ENTREP2: variants seen among roughly 807,000 people sequenced by gnomAD.
ENTREP2 encodes protein ENTREP2.
the ENTREP2 span, among the ~76,000 whole-genome samples, chr15:29,479,886 C>A: frequency 6.6e-6 from 1 of 152,012 alleles, no homozygotes; most frequent in Non-Finnish European, 1.5e-5. Context: ...TAGAGGCTGT[C>A]TAGGAATGGA....
the ENTREP2 span, among the ~76,000 whole-genome samples, chr15:29,449,094 T>C: frequency 1.3e-5 from 2 of 152,190 alleles, no homozygotes; most frequent in Non-Finnish European, 2.9e-5. Flanking sequence ...AAGAATGGTC[T>C]GAATGAGAAA....
chr15:29,253,836 T>C, the ENTREP2 span, among the ~76,000 whole-genome samples: 1 of 152,292 alleles, frequency 6.6e-6, no homozygotes, highest in East Asian at 1.9e-4. Context: ...AGTCTCACTC[T>C]GTCATTTTTT....
At chr15:29,618,213 G>C in the ENTREP2 span, among the ~76,000 whole-genome samples, 1 of 152,102 alleles carries the variant, frequency 6.6e-6, no homozygotes, top group East Asian at 1.9e-4. Flanking sequence ...CACAAGGTCA[G>C]GAGTTCGAGA....
chr15:29,616,005 G>A, the ENTREP2 span, among the ~76,000 whole-genome samples: 1 of 152,196 alleles, frequency 6.6e-6, no homozygotes. Context: ...CCCCACCCCG[G>A]TTCACAGAGC....
chr15:29,550,652 A>G, the ENTREP2 span, among the ~76,000 whole-genome samples: 1 of 152,224 alleles, frequency 6.6e-6, no homozygotes, highest in Non-Finnish European at 1.5e-5. Context: ...GCTAAAATCT[A>G]AAGAATTTCC....
the ENTREP2 span, among the ~76,000 whole-genome samples, chr15:29,148,860 C>A: frequency 6.6e-6 from 1 of 151,840 alleles, no homozygotes; most frequent in Non-Finnish European, 1.5e-5. Context: ...TATGTGGACT[C>A]CCTCCAGATT....
the ENTREP2 span, among the ~76,000 whole-genome samples, chr15:29,341,320 C>T: frequency 3.9e-5 from 6 of 152,330 alleles, no homozygotes; most frequent in South Asian, 4.1e-4. Flanking sequence ...TTTCAACATT[C>T]GATCAGTTAT....
the ENTREP2 span, among the ~76,000 whole-genome samples, chr15:29,401,925 A>G: frequency 6.6e-6 from 1 of 152,194 alleles, no homozygotes; most frequent in African/African-American, 2.4e-5. Flanking sequence ...GGATGAATGC[A>G]TTTACTACAT....
At chr15:29,181,238 T>C in the ENTREP2 span, among the ~76,000 whole-genome samples, 1 of 152,178 alleles carries the variant, frequency 6.6e-6, no homozygotes, top group South Asian at 2.1e-4. Flanking sequence ...CCAAGTAACC[T>C]ATAATCCACT....
At chr15:29,534,324 T>A in the ENTREP2 span, among the ~76,000 whole-genome samples, 3 of 152,168 alleles carry the variant, frequency 2.0e-5, no homozygotes, top group East Asian at 5.8e-4. Context: ...GGATTTAGAC[T>A]TTATAAATGT....
the ENTREP2 span, among the ~76,000 whole-genome samples, chr15:29,617,683 C>A: frequency 6.6e-6 from 1 of 152,204 alleles, no homozygotes. Flanking sequence ...AAGCACCAAG[C>A]CCTACTTGTC....
chr15:29,269,587 C>A, the ENTREP2 span: 1 of 1,547,532 alleles, frequency 6.5e-7, no homozygotes, highest in East Asian at 2.6e-5. Context: ...AAAGCCGTCT[C>A]TGAGAACCCG....
chr15:29,165,869 A>G, the ENTREP2 span, among the ~76,000 whole-genome samples: 1 of 152,214 alleles, frequency 6.6e-6, no homozygotes, highest in Non-Finnish European at 1.5e-5. Flanking sequence ...ACCTAACCAA[A>G]AAAGAAAACT....
At chr15:29,465,524 T>C in the ENTREP2 span, among the ~76,000 whole-genome samples, 1 of 152,160 alleles carries the variant, frequency 6.6e-6, no homozygotes, top group African/African-American at 2.4e-5. Context: ...AAACACCTTC[T>C]GATACCCTAC....
chr15:29,561,591 G>C, the ENTREP2 span, among the ~76,000 whole-genome samples: 1 of 152,090 alleles, frequency 6.6e-6, no homozygotes, highest in Non-Finnish European at 1.5e-5. Context: ...GGGAGGCTGA[G>C]GCAGGAGAAT....
the ENTREP2 span, among the ~76,000 whole-genome samples, chr15:29,547,732 C>T: frequency 0.43 from 65,035 of 151,652 alleles, 14,568 homozygotes; most frequent in African/African-American, 0.58. Context: ...AGCAATTCCA[C>T]CTCTGGATAT....
chr15:29,645,023 A>C, the ENTREP2 span, among the ~76,000 whole-genome samples: 6 of 152,258 alleles, frequency 3.9e-5, no homozygotes, highest in East Asian at 1.2e-3. Context: ...TAAAGACCAG[A>C]CTGGGAAACA....
chr15:29,362,000 A>G, the ENTREP2 span, among the ~76,000 whole-genome samples: 1 of 152,194 alleles, frequency 6.6e-6, no homozygotes, highest in South Asian at 2.1e-4. Flanking sequence ...ACTTCACAGC[A>G]CATTAACCAA....
chr15:29,326,329 CA>C, the ENTREP2 span, among the ~76,000 whole-genome samples: 1 of 151,972 alleles, frequency 6.6e-6, no homozygotes. Context: ...TACAAAATCC[CA>C]AAGAACTGTC....
Sources: allele counts gnomAD v4.1 joint callset (sites outside exome capture counted in the v4.1 genomes callset), GRCh38; gene constraint gnomAD v4.1.1; transcripts MANE v1.5; gene names NCBI Gene and HGNC (gene_info 2026-07-23, HGNC 2026-07-21).